The following ZFHX3 variants were observed in gnomAD, a reference collection of about 807,000 sequenced individuals.
ZFHX3 encodes the protein zinc finger homeobox protein 3.
In ZFHX3, 42 loss-of-function variants were observed where a neutral mutation model predicts 279.1. The observed-to-expected ratio is 0.15, with a 90% CI of 0.12 to 0.19. ZFHX3 has a LOEUF of 0.19. Among genes scored for constraint, ZFHX3 ranks in the 10% least tolerant of loss-of-function variants. The pLI is 1.00. For missense variants in ZFHX3, 4,981 were observed against 4,754.0 expected, an observed-to-expected ratio of 1.05 and a Z score of -1.40; for synonymous variants, 2,293 against 1,957.8, an observed-to-expected ratio of 1.17 and a Z score of -4.52.
intron 7 of ZFHX3, among the ~76,000 whole-genome samples, chr16:73,113,514 G>A (rs889301733): frequency 6.6e-6 from 1 of 152,138 alleles, no homozygotes; most frequent in Non-Finnish European, 1.5e-5. Context: ...GGCATCCTTC[G>A]AGGCCTTGCT....
chr16:73,050,947 C>T (rs1362045260), upstream of ZFHX3, among the ~76,000 whole-genome samples: 1 of 152,226 alleles, frequency 6.6e-6, no homozygotes, highest in Non-Finnish European at 1.5e-5. Context: ...TGCCCCCTAA[C>T]GCTGAGCTGG....
At chr16:72,914,324 A>G (rs1489490159) in intron 3 of ZFHX3, among the ~76,000 whole-genome samples, 1 of 152,194 alleles carries the variant, frequency 6.6e-6, no homozygotes, top group Non-Finnish European at 1.5e-5. Flanking sequence ...TAGCTTGGCT[A>G]AGGACCTCCC....
chr16:73,351,749 C>G (rs1224658199), intron 3 of ZFHX3, among the ~76,000 whole-genome samples: 1 of 152,188 alleles, frequency 6.6e-6, no homozygotes, highest in African/African-American at 2.4e-5. Flanking sequence ...TTCTTGGCAG[C>G]ACGGTTTCCA....
chr16:73,535,344 C>T (rs1039804254), intron 2 of ZFHX3, among the ~76,000 whole-genome samples: 3 of 152,190 alleles, frequency 2.0e-5, no homozygotes, highest in Non-Finnish European at 2.9e-5. Context: ...ACAACCTTCT[C>T]ATCAAAATTC....
At chr16:73,470,369 G>C (rs1264399392) in intron 2 of ZFHX3, among the ~76,000 whole-genome samples, 1 of 152,144 alleles carries the variant, frequency 6.6e-6, no homozygotes, top group African/African-American at 2.4e-5. Flanking sequence ...GACAGTCCTG[G>C]TCTGTATCTG....
chr16:73,390,427 T>G (rs1018015841), intron 3 of ZFHX3, among the ~76,000 whole-genome samples: 1 of 152,154 alleles, frequency 6.6e-6, no homozygotes, highest in Non-Finnish European at 1.5e-5. Context: ...CCCCATCATC[T>G]CATCGGGTCC....
chr16:72,867,132 T>TGA (rs895762621), intron 4 of ZFHX3, among the ~76,000 whole-genome samples: 7 of 152,170 alleles, frequency 4.6e-5, no homozygotes, highest in African/African-American at 1.7e-4. Context: ...TAAGCCAGCA[T>TGA]GAGACTGTCC....
intron 3 of ZFHX3, among the ~76,000 whole-genome samples, chr16:73,414,579 C>A (rs868211255): frequency 6.6e-6 from 1 of 152,188 alleles, no homozygotes; most frequent in African/African-American, 2.4e-5. Flanking sequence ...GAGGTAGGAT[C>A]CCACTGGGGG....
At chr16:72,835,402 T>TA (rs1042881943) in intron 4 of ZFHX3, among the ~76,000 whole-genome samples, 5 of 151,900 alleles carry the variant, frequency 3.3e-5, no homozygotes, top group Admixed American at 6.6e-5. Flanking sequence ...CATTCGGCAT[T>TA]AAAAAAAATG....
rs542156633 is a variant in ZFHX3, at chr16:72,849,860, C to CAAAAAAAAA, written c.3449-20010_3449-20002dup. 2.3e-4 allele frequency among the ~76,000 whole-genome samples: 13 copies of CAAAAAAAAA among 56,562 alleles called. 1 individual carries two copies. Among genetic ancestry groups the CAAAAAAAAA allele is most frequent in the Non-Finnish European group, 3.0e-4 (10 of 33,678 alleles). 37.1% of individuals were successfully genotyped at this position (56,562 alleles called of 152,430 possible). A position where few individuals can be genotyped will look rare whatever the true frequency, so the allele number is the denominator to read the frequency against. On this transcript the variant is annotated intron_variant, in intron 4 of 9. Transcript: ENST00000268489. ...TCTCTGCCACTTGGAGTTCACCTAC[C>CAAAAAAAAA]AAAAAAAAAAAAAAAAAAAAAAAAA... is the stretch of plus-strand genomic sequence containing the variant.
At chr16:73,751,584 C>T (rs908309744) in intron 1 of ZFHX3, among the ~76,000 whole-genome samples, 1 of 151,840 alleles carries the variant, frequency 6.6e-6, no homozygotes, top group African/African-American at 2.4e-5. Flanking sequence ...CATGTTTCTG[C>T]ATGTATATAT....
At chr16:73,392,709 G>A (rs1047871771) in intron 3 of ZFHX3, among the ~76,000 whole-genome samples, 3 of 152,098 alleles carry the variant, frequency 2.0e-5, no homozygotes, top group Non-Finnish European at 2.9e-5. Context: ...ATTTCACCAC[G>A]AGTTCCTCTG....
At chr16:73,033,736 C>T (rs908382031) in intron 1 of ZFHX3, among the ~76,000 whole-genome samples, 18 of 152,274 alleles carry the variant, frequency 1.2e-4, no homozygotes, top group Admixed American at 2.0e-4. Flanking sequence ...AATCCACACC[C>T]GCTTCTCAGC....
At chr16:73,777,789 G>T (rs1959308125) in intron 1 of ZFHX3, among the ~76,000 whole-genome samples, 1 of 152,166 alleles carries the variant, frequency 6.6e-6, no homozygotes, top group South Asian at 2.1e-4. Flanking sequence ...TGTAAGGAAA[G>T]TGAGGCTCAG....
chr16:73,365,669 G>T (rs2016516766), intron 3 of ZFHX3, among the ~76,000 whole-genome samples: 1 of 152,158 alleles, frequency 6.6e-6, no homozygotes, highest in African/African-American at 2.4e-5. Context: ...CACCTCTACA[G>T]AAGCTGAGAT....
At chr16:73,457,761 C>T (rs1038898766) in intron 2 of ZFHX3, among the ~76,000 whole-genome samples, 8 of 152,166 alleles carry the variant, frequency 5.3e-5, no homozygotes, top group South Asian at 2.1e-4. Flanking sequence ...GGCAACAGAG[C>T]GAGACTCCGT....
At chr16:72,890,308 T>A (rs1033746805) in intron 3 of ZFHX3, among the ~76,000 whole-genome samples, 24 of 152,198 alleles carry the variant, frequency 1.6e-4, no homozygotes, top group African/African-American at 5.3e-4. Context: ...TTCTCCTTCC[T>A]GCTGCCATGT....
At chr16:73,028,842 C>T (rs914103606) in intron 1 of ZFHX3, among the ~76,000 whole-genome samples, 1 of 152,224 alleles carries the variant, frequency 6.6e-6, no homozygotes, top group African/African-American at 2.4e-5. Flanking sequence ...TAAAGTTCCT[C>T]TGTTGTGAGC....
At position 72,787,887 on chromosome 16, in the gene ZFHX3, G is replaced by C; in HGVS notation, c.10389C>G (p.Tyr3463Ter). ...CCTGGCACTTGCGGCAGACCAACTT[G>C]TACTGCACCTTTGGAACAATGAAGG... is the stretch of plus-strand genomic sequence containing the variant. ...YDPFIVPKVQ[Y>*]KLVCRKCQAG... The change falls in exon 10 of 10, where the codon TAC (tyrosine) becomes TAG (stop). Residue 3463 changes from tyrosine (Y) to a stop codon, truncating the protein, a stop_gained. Coordinates refer to ENST00000268489, the MANE Select transcript of ZFHX3 (RefSeq NM_006885.4). LOFTEE classifies it high-confidence loss of function. 3.7e-6 allele frequency: 6 copies of C among 1,614,032 alleles called. No homozygotes were observed. The highest frequency in any genetic ancestry group is 5.1e-6 in the Non-Finnish European group (6 of 1,180,018).
Sources: allele counts gnomAD v4.1 joint callset (sites outside exome capture counted in the v4.1 genomes callset), GRCh38; gene constraint gnomAD v4.1.1; transcripts MANE v1.5; gene names NCBI Gene and HGNC (gene_info 2026-07-23, HGNC 2026-07-21).